Variants in TULP4 observed in about 807,000 individuals in gnomAD.
TULP4 encodes TUB like protein 4.
TULP4 carries 16 observed loss-of-function variants against 129.0 expected under a neutral mutation model. That is an observed-to-expected ratio of 0.12 (90% CI 0.08 to 0.19). TULP4 has a LOEUF of 0.19. TULP4 is among the 10% of genes least tolerant of loss of function. The probability of loss-of-function intolerance (pLI) is 1.00; values close to 1 mark genes in which losing one functional copy is unlikely to be tolerated. For synonymous variants in TULP4, 998 were observed against 854.0 expected, an observed-to-expected ratio of 1.17 and a Z score of -2.94; for missense variants, 1,842 against 2,059.1, an observed-to-expected ratio of 0.89 and a Z score of 2.04.
upstream of TULP4, among the ~76,000 whole-genome samples, chr6:158,308,569 TA>T (rs1380673388): frequency 1.3e-5 from 2 of 150,858 alleles, no homozygotes; most frequent in Admixed American, 1.3e-4. Context: ...CACTTCCCAG[TA>T]GGGGTGGCCG....
upstream of TULP4, among the ~76,000 whole-genome samples, chr6:158,280,917 GATC>G (rs2128466283): frequency 6.6e-6 from 1 of 152,286 alleles, no homozygotes; most frequent in African/African-American, 2.4e-5. Context: ...AAATTTAGTT[GATC>G]TTTATTTTTA....
In TULP4 at chr6:158,493,783, C is replaced by G. The variant is rs1324595510; in HGVS notation, c.1776+66C>G. The G allele has an allele frequency of 4.1e-6, 6 of 1,466,534 alleles. No homozygotes were observed. The highest frequency in any genetic ancestry group is 5.4e-6 in the Non-Finnish European group (6 of 1,106,316). The allele number at this position is 1,466,534 out of a possible 1,614,324, so 90.8% of individuals were successfully genotyped here. On this transcript the variant is annotated intron_variant, in intron 10 of 13. Transcript: ENST00000367097. The surrounding 1 kb of genome is among the most constrained non-coding windows in gnomAD (Gnocchi z 4.4). Reference sequence around the variant, plus strand: ...GGGGGCTATGCCCAGAGGGCCCCTTCCTACCCGCCGCCTGCACTGCTCACT... The same window carrying G: ...GGGGGCTATGCCCAGAGGGCCCCTTGCTACCCGCCGCCTGCACTGCTCACT...
chr6:158,474,089 G>A (rs749593443), intron 6 of TULP4, among the ~76,000 whole-genome samples: 2 of 152,234 alleles, frequency 1.3e-5, no homozygotes, highest in African/African-American at 4.8e-5. Context: ...CCAAAGTGCT[G>A]GGATTATAGG....
intron 3 of TULP4, among the ~76,000 whole-genome samples, chr6:158,432,050 G>C (rs1393574895): frequency 2.7e-5 from 4 of 149,182 alleles, no homozygotes; most frequent in African/African-American, 9.9e-5. Flanking sequence ...CTTGAGCCCA[G>C]GAGTTCTCGA....
chr6:158,495,048 A>AT lies in TULP4; in HGVS notation c.1870+214dup, dbSNP rs536135379. On this transcript the variant is annotated intron_variant, in intron 11 of 13. Transcript: ENST00000367097. ...CTCACATTGGCTTTTTGCCAGTGGC[A>AT]TTTTTTTTTTTTAAATCTTTTAACT... Among the ~76,000 whole-genome samples the AT allele has an allele frequency of 5.4e-3, 787 of 147,102 alleles. 4 individuals carry two copies. The highest frequency in any genetic ancestry group is 0.018 in the African/African-American group (708 of 40,324).
intron 1 of TULP4, among the ~76,000 whole-genome samples, chr6:158,294,872 C>T (rs1278187601): frequency 6.6e-6 from 1 of 152,204 alleles, no homozygotes; most frequent in African/African-American, 2.4e-5. Flanking sequence ...GCCGGGACTA[C>T]AGTCATATGC....
intron 2 of TULP4, among the ~76,000 whole-genome samples, chr6:158,423,152 G>A (rs1314889336): frequency 6.7e-6 from 1 of 150,318 alleles, no homozygotes; most frequent in East Asian, 1.9e-4. Flanking sequence ...ACCTTCCCAG[G>A]ACCCCTTTTC....
At chr6:158,425,594 A>C (rs958840420) in intron 2 of TULP4, among the ~76,000 whole-genome samples, 5 of 145,196 alleles carry the variant, frequency 3.4e-5, no homozygotes, top group African/African-American at 1.3e-4. Context: ...TTTCTGTTTT[A>C]GGTTTTTTTT....
intron 1 of TULP4, among the ~76,000 whole-genome samples, chr6:158,375,017 C>T (rs139951311): frequency 0.036 from 5,436 of 152,096 alleles, 107 homozygotes; most frequent in Non-Finnish European, 0.04. Flanking sequence ...CCGAGGCGGG[C>T]GGGTCACTTG....
At chr6:158,499,506 G>A (rs565542587) in intron 12 of TULP4, among the ~76,000 whole-genome samples, 2 of 152,334 alleles carry the variant, frequency 1.3e-5, no homozygotes, top group African/African-American at 2.4e-5. Context: ...AGATTACAAT[G>A]ACTTCCAATT....
intron 1 of TULP4, chr6:158,242,817 C>T (rs1407444549): frequency 7.7e-6 from 2 of 259,472 alleles, no homozygotes; most frequent in East Asian, 2.1e-4. Context: ...CCCTGCTGCT[C>T]ACTGTCGCCC....
rs774770935 is a variant in TULP4, at chr6:158,503,486, C to T, written c.3823C>T (p.Pro1275Ser). ...CAGCGCCTGCCCGCCCATGCAGAACCCCCAGGGCACTCTCCCCCCAAAGCC... is the reference window on the plus strand; with the variant it reads ...CAGCGCCTGCCCGCCCATGCAGAACTCCCAGGGCACTCTCCCCCCAAAGCC... ...SYSACPPMQN[P>S]QGTLPPKPHL... Residue 1275 changes from proline (P) to serine (S), a missense_variant, in exon 13 of 14, where the codon CCC (proline) becomes TCC (serine). Pro to Ser is a moderately conservative substitution (Grantham distance 74). Coordinates refer to ENST00000367097, the MANE Select transcript of TULP4 (RefSeq NM_020245.5). The surrounding 1 kb of genome is among the most constrained non-coding windows in gnomAD (Gnocchi z 4.3). 1.9e-6 allele frequency: 3 copies of T among 1,613,930 alleles called. No homozygotes were observed. Among genetic ancestry groups the T allele is most frequent in the Non-Finnish European group, 2.5e-6 (3 of 1,179,990 alleles).
chr6:158,282,167 A>G (rs575112771), upstream of TULP4: 1 of 152,320 alleles, frequency 6.6e-6, no homozygotes, highest in South Asian at 2.1e-4. Context: ...TCTTTAAAAC[A>G]ACAGTGCATG....
intron 1 of TULP4, among the ~76,000 whole-genome samples, chr6:158,335,258 C>CAG (rs572592626): frequency 2.5e-4 from 34 of 133,700 alleles, no homozygotes; most frequent in African/African-American, 9.5e-4. Flanking sequence ...GCCTGGTGAA[C>CAG]AGAGCGAGAC....
chr6:158,366,863 A>C (rs745378929), intron 1 of TULP4, among the ~76,000 whole-genome samples: 11 of 152,264 alleles, frequency 7.2e-5, no homozygotes, highest in Admixed American at 6.5e-4. Flanking sequence ...CAAAAATTCT[A>C]AGTTGCCGTA....
At chr6:158,247,817 C>T (rs1013362798) in intron 1 of TULP4, among the ~76,000 whole-genome samples, 5 of 152,180 alleles carry the variant, frequency 3.3e-5, no homozygotes, top group Admixed American at 2.6e-4. Context: ...GACAACAAAC[C>T]GAGCTGTTAG....
chr6:158,484,245 C>G (rs909972967), intron 8 of TULP4, among the ~76,000 whole-genome samples: 2 of 151,368 alleles, frequency 1.3e-5, no homozygotes, highest in Non-Finnish European at 2.9e-5. Context: ...ACCACCCCCA[C>G]CCATTGTTTT....
intron 1 of TULP4, among the ~76,000 whole-genome samples, chr6:158,252,368 T>A (rs1562495053): frequency 6.6e-6 from 1 of 151,998 alleles, no homozygotes; most frequent in Admixed American, 6.6e-5. Flanking sequence ...TTAATTTTTT[T>A]ATAAGCTTTT....
At chr6:158,363,383 A>G (rs1583797052) in intron 1 of TULP4, among the ~76,000 whole-genome samples, 1 of 152,232 alleles carries the variant, frequency 6.6e-6, no homozygotes, top group East Asian at 1.9e-4. Context: ...TAAGGCATCT[A>G]TTTTTTTATT....
Sources: gnomAD v4.1 joint callset for allele counts (sites outside exome capture counted in the v4.1 genomes callset) on GRCh38, gnomAD v4.1.1 for gene constraint, Gnocchi (gnomAD v3.1) non-coding constraint, MANE v1.5 for transcripts, NCBI Gene and HGNC (gene_info 2026-07-23, HGNC 2026-07-21) for gene names.